HCRTR2: variants seen among roughly 807,000 people sequenced by gnomAD.
HCRTR2 encodes hypocretin receptor 2, also known as orexin receptor type 2.
Under a neutral mutation model 49.0 loss-of-function variants are expected in HCRTR2, and 22 were observed. That is an observed-to-expected ratio of 0.45 (90% confidence interval 0.32 to 0.64). The LOEUF (loss-of-function observed/expected upper bound fraction) is 0.64. HCRTR2 is among the 30% of genes least tolerant of loss of function. The pLI, the probability that HCRTR2 is intolerant of heterozygous loss-of-function variation, is 0.04. For synonymous variants in HCRTR2, 236 were observed against 205.3 expected (o/e 1.15, Z -1.28); for missense variants, 491 against 559.4 (o/e 0.88, Z 1.23).
At chr6:55,150,942 T>G (rs1764657157) in intron 1 of HCRTR2, among the ~76,000 whole-genome samples, 1 of 152,088 alleles carries the variant, frequency 6.6e-6, no homozygotes, top group Admixed American at 6.6e-5. Context: ...GTTTTGGTTT[T>G]CCTGTGCATA....
At chr6:55,173,738 C>T (rs1411366566), upstream of HCRTR2, among the ~76,000 whole-genome samples, 3 of 152,156 alleles carry the variant, frequency 2.0e-5, no homozygotes, top group African/African-American at 7.2e-5. Flanking sequence ...GAATTTGTAG[C>T]TCTATTTCAC....
chr6:55,125,911 A>T (rs1177058102), intron 1 of HCRTR2, among the ~76,000 whole-genome samples: 1 of 151,852 alleles, frequency 6.6e-6, no homozygotes, highest in East Asian at 1.9e-4. Flanking sequence ...CGATTCAGCG[A>T]TTGATACCTG....
chr6:55,214,823 T>C (rs1362476447), intron 1 of HCRTR2, among the ~76,000 whole-genome samples: 1 of 150,748 alleles, frequency 6.6e-6, no homozygotes, highest in Non-Finnish European at 1.5e-5. Context: ...ATTAAAGGAG[T>C]TTAATACTAG....
At chr6:55,195,698 G>C (rs1411110965) in intron 1 of HCRTR2, among the ~76,000 whole-genome samples, 4 of 152,112 alleles carry the variant, frequency 2.6e-5, no homozygotes, top group Non-Finnish European at 5.9e-5. Flanking sequence ...ATGGCCGGGC[G>C]TGGTGGCTCA....
At chr6:55,125,558 T>C (rs1417775528) in intron 1 of HCRTR2, among the ~76,000 whole-genome samples, 1 of 152,204 alleles carries the variant, frequency 6.6e-6, no homozygotes, top group African/African-American at 2.4e-5. Flanking sequence ...TTTTCTTTCA[T>C]TTCAACCTTG....
At chr6:55,138,544 A>G (rs1470867814) in intron 1 of HCRTR2, among the ~76,000 whole-genome samples, 4 of 152,196 alleles carry the variant, frequency 2.6e-5, no homozygotes, top group African/African-American at 9.7e-5. Context: ...AAGCTAGCAG[A>G]TTGAGAAATA....
chr6:55,107,550 C>T (rs980723654), intron 1 of HCRTR2, among the ~76,000 whole-genome samples: 1 of 146,910 alleles, frequency 6.8e-6, no homozygotes, highest in Non-Finnish European at 1.5e-5. Flanking sequence ...AACATATACA[C>T]TATAGTTTCT....
intron 1 of HCRTR2, among the ~76,000 whole-genome samples, chr6:55,209,993 G>C (rs1211720534): frequency 6.6e-6 from 1 of 152,046 alleles, no homozygotes; most frequent in Non-Finnish European, 1.5e-5. Flanking sequence ...TATTACCTTG[G>C]TCAAGTTTGT....
chr6:55,113,354 G>A (rs1291023651), intron 1 of HCRTR2, among the ~76,000 whole-genome samples: 1 of 152,030 alleles, frequency 6.6e-6, no homozygotes, highest in Non-Finnish European at 1.5e-5. Context: ...CCCACAGAGT[G>A]GGAGAAAATC....
chr6:55,115,497 T>C (rs1339357367), intron 1 of HCRTR2, among the ~76,000 whole-genome samples: 1 of 150,924 alleles, frequency 6.6e-6, no homozygotes, highest in East Asian at 1.9e-4. Flanking sequence ...TGTGTGTGTG[T>C]GTGTGTGTGT....
chr6:55,157,739 T>C (rs1350192922), intron 1 of HCRTR2, among the ~76,000 whole-genome samples: 1 of 152,210 alleles, frequency 6.6e-6, no homozygotes, highest in Non-Finnish European at 1.5e-5. Flanking sequence ...TCTCTGTTGG[T>C]AATACAAGGA....
intron 1 of HCRTR2, among the ~76,000 whole-genome samples, chr6:55,238,222 C>T (rs533366790): frequency 4.6e-5 from 7 of 152,242 alleles, no homozygotes; most frequent in African/African-American, 1.7e-4. Flanking sequence ...AGCAATATAC[C>T]TGCTAATCAT....
At chr6:55,206,416 C>A (rs912407474) in intron 1 of HCRTR2, among the ~76,000 whole-genome samples, 1 of 152,000 alleles carries the variant, frequency 6.6e-6, no homozygotes, top group Non-Finnish European at 1.5e-5. Flanking sequence ...AGAAGTATTA[C>A]ACCTATTTAT....
At chr6:55,204,400 A>G (rs2127286829) in intron 1 of HCRTR2, among the ~76,000 whole-genome samples, 1 of 152,220 alleles carries the variant, frequency 6.6e-6, no homozygotes, top group East Asian at 1.9e-4. Context: ...CATTTTTCTA[A>G]TAGTGTTCAT....
chr6:55,239,638 C>G (rs9396069), intron 1 of HCRTR2, among the ~76,000 whole-genome samples: 50,257 of 151,976 alleles, frequency 0.33, 8,868 homozygotes, highest in African/African-American at 0.45. Flanking sequence ...GAGAGCTTTT[C>G]TCAACATTAA....
At position 55,149,113 on chromosome 6, in the gene HCRTR2, C is replaced by G. The variant is rs1227046628; in HGVS notation, c.-377-25098C>G. Among the ~76,000 whole-genome samples the G allele has an allele frequency of 5.9e-5, 9 of 151,924 alleles. No homozygotes were observed. The East Asian group carries it at 1.7e-3, about 29-fold the overall frequency. ...GAACCTTATAAAAAAGTAAGCTTTC[C>G]CACCACAGAGACCCTTTAAATCTTC... On this transcript the variant is annotated intron_variant, in intron 1 of 7. Coordinates refer to the HCRTR2 transcript ENST00000615358.
At chr6:55,144,572 T>G (rs1468212285) in intron 1 of HCRTR2, among the ~76,000 whole-genome samples, 1 of 152,156 alleles carries the variant, frequency 6.6e-6, no homozygotes, top group East Asian at 1.9e-4. Context: ...GGGGTTTGGT[T>G]TCAGGATGAA....
chr6:55,278,178 A>G (rs561613033), intron 5 of HCRTR2, among the ~76,000 whole-genome samples: 33 of 152,302 alleles, frequency 2.2e-4, no homozygotes, highest in Middle Eastern at 6.8e-3. Context: ...ATAAAAATCA[A>G]TGAGGGAAAG....
At chr6:55,146,238 A>G (rs1042365617) in intron 1 of HCRTR2, among the ~76,000 whole-genome samples, 11 of 152,196 alleles carry the variant, frequency 7.2e-5, no homozygotes, top group African/African-American at 2.7e-4. Flanking sequence ...TATCTCAGAA[A>G]GGGATAATAT....
Sources: gnomAD v4.1 joint callset for allele counts (sites outside exome capture counted in the v4.1 genomes callset) on GRCh38, gnomAD v4.1.1 for gene constraint, MANE v1.5 for transcripts, NCBI Gene and HGNC (gene_info 2026-07-23, HGNC 2026-07-21) for gene names.